Variants in ABCC9 observed in about 807,000 individuals in gnomAD.
ABCC9 encodes the protein ATP binding cassette subfamily C member 9, also known as ATP-binding cassette sub-family C member 9.
ABCC9 carries 95 observed loss-of-function variants against 188.3 expected under a neutral mutation model. That is an observed-to-expected ratio of 0.50 (90% CI 0.43 to 0.60). The LOEUF is 0.60. ABCC9 is among the 20% of genes least tolerant of loss of function. The pLI is 0.00. For missense variants in ABCC9, 1,102 were observed against 1,876.3 expected (o/e 0.59, Z 7.62); for synonymous variants, 659 against 652.7 (o/e 1.01, Z -0.15).
At position 21,910,831 on chromosome 12, in the gene ABCC9, G is replaced by A; in HGVS notation, c.1159C>T (p.Leu387=). The A allele has an allele frequency of 6.2e-7, 1 of 1,611,300 alleles. No individual in the cohort carries two copies. The highest frequency in any genetic ancestry group is 8.5e-7 in the Non-Finnish European group (1 of 1,177,746). The change falls in exon 9 of 40, where the codon CTG becomes TTG. Residue 387 remains leucine (L), a synonymous_variant. Coordinates refer to ENST00000261200, the MANE Select transcript of ABCC9 (RefSeq NM_020297.4). The part of the protein sequence containing the change: ...IETGINLRGA[L]LAMIYNKILR... ...TATTCACAGCCTTTACATACCAGCA[G>A]AGCTCCACGGAGGTTAATGCCAGTC... is the stretch of plus-strand genomic sequence containing the variant.
intron 16 of ABCC9, among the ~76,000 whole-genome samples, chr12:21,875,957 G>T (rs1333930306): frequency 2.6e-5 from 4 of 151,936 alleles, no homozygotes; most frequent in Non-Finnish European, 5.9e-5. Context: ...GGTGGCAGGC[G>T]CCTGTAGTCC....
intron 28 of ABCC9, among the ~76,000 whole-genome samples, chr12:21,842,905 C>A (rs1416189284): frequency 6.6e-6 from 1 of 151,948 alleles, no homozygotes; most frequent in Non-Finnish European, 1.5e-5. Context: ...ATCCTTTGGG[C>A]TTTTTTGAGT....
chr12:21,853,246 A>G (rs950975593), intron 22 of ABCC9, among the ~76,000 whole-genome samples: 2 of 152,028 alleles, frequency 1.3e-5, no homozygotes, highest in African/African-American at 2.4e-5. Flanking sequence ...CCCAGGAGGA[A>G]GAGGTTCCTG....
chr12:21,855,353 G>A (rs779959399), intron 22 of ABCC9, among the ~76,000 whole-genome samples: 6 of 151,998 alleles, frequency 3.9e-5, no homozygotes, highest in Non-Finnish European at 7.4e-5. Context: ...CCAACTTACT[G>A]GGATTACAGG....
chr12:21,848,360 T>G, intron 24 of ABCC9, 114 bp from the exon 25 acceptor site: 12 of 844,032 alleles, frequency 1.4e-5, no homozygotes, highest in African/African-American at 5.0e-5. Flanking sequence ...TCAAGCGCTC[T>G]GTGCTCACTC....
intron 31 of ABCC9, among the ~76,000 whole-genome samples, chr12:21,818,509 T>C (rs1942814464): frequency 7.4e-6 from 1 of 134,602 alleles, no homozygotes; most frequent in South Asian, 2.4e-4. Flanking sequence ...TATATATAAC[T>C]ATATAGATAT....
intron 18 of ABCC9, among the ~76,000 whole-genome samples, chr12:21,871,963 A>G (rs1946106482): frequency 6.6e-6 from 1 of 152,234 alleles, no homozygotes; most frequent in African/African-American, 2.4e-5. Context: ...TTTACTCTTT[A>G]TTAACCAATT....
chr12:21,936,043 C>T (rs112473700), intron 3 of ABCC9, among the ~76,000 whole-genome samples: 1 of 152,270 alleles, frequency 6.6e-6, no homozygotes, highest in African/African-American at 2.4e-5. Flanking sequence ...GTTCCCCAGA[C>T]ATGTCACTCA....
At chr12:21,908,345 G>C (rs1280378636) in intron 10 of ABCC9, 134 bp from the exon 11 acceptor site, 3 of 1,149,860 alleles carry the variant, frequency 2.6e-6, no homozygotes, top group Admixed American at 2.0e-5. Context: ...ACGGTATTAG[G>C]GTTCTCTAGA....
chr12:21,848,215 C>G lies in ABCC9; in HGVS notation c.2801G>C (p.Arg934Thr). ...DMEADQTTLE[R>T]KTLRRAMYSR... is the part of the protein sequence containing the mutation. ...ATACATGGCCCGTCGGAGAGTTTTC[C>G]TCTCTAAAGTAGTTTGGTCAGCTTC... Residue 934 changes from arginine to threonine, a missense_variant, in exon 25 of 40, where the codon AGG (arginine) becomes ACG (threonine). Physicochemically the swap from Arg to Thr is moderately conservative, Grantham distance 71. This residue lies in a region of ABCC9 where 131 missense variants were observed against 170.2 expected (regional missense o/e 0.77). Coordinates refer to ENST00000261200, the MANE Select transcript of ABCC9 (RefSeq NM_020297.4). The G allele has an allele frequency of 6.2e-7, 1 of 1,613,590 alleles. No homozygotes were observed. Among genetic ancestry groups the G allele is most frequent in the Non-Finnish European group, 8.5e-7 (1 of 1,179,618 alleles).
intron 18 of ABCC9, among the ~76,000 whole-genome samples, chr12:21,869,072 T>A (rs1945930522): frequency 6.6e-6 from 1 of 152,254 alleles, no homozygotes; most frequent in African/African-American, 2.4e-5. Flanking sequence ...ATTCAATCTA[T>A]TAGAATATTA....
At chr12:21,828,097 T>C (rs955216282) in intron 31 of ABCC9, among the ~76,000 whole-genome samples, 5 of 152,224 alleles carry the variant, frequency 3.3e-5, no homozygotes, top group African/African-American at 7.2e-5. Flanking sequence ...ATAAACATGC[T>C]TTTTCTTTTC....
At chr12:21,900,599 G>A (rs1454271487) in intron 12 of ABCC9, among the ~76,000 whole-genome samples, 1 of 152,190 alleles carries the variant, frequency 6.6e-6, no homozygotes. Context: ...AATAACCAGT[G>A]TAGAGAAGTC....
intron 36 of ABCC9, among the ~76,000 whole-genome samples, chr12:21,811,389 A>G (rs1450240511): frequency 6.6e-6 from 1 of 152,208 alleles, no homozygotes; most frequent in Non-Finnish European, 1.5e-5. Context: ...CTTTGGAATC[A>G]GGCAAACTTC....
chr12:21,913,687 G>A (rs1033155134), intron 7 of ABCC9, among the ~76,000 whole-genome samples: 2 of 152,092 alleles, frequency 1.3e-5, no homozygotes, highest in Non-Finnish European at 2.9e-5. Context: ...ATGAAGAACA[G>A]CATTTATACT....
At chr12:21,835,719 C>T (rs575307895) in intron 30 of ABCC9, among the ~76,000 whole-genome samples, 1 of 151,924 alleles carries the variant, frequency 6.6e-6, no homozygotes, top group Admixed American at 6.5e-5. Flanking sequence ...TAGTCTACAC[C>T]ATCTCCCTCA....
chr12:21,926,117 A>T lies in ABCC9; in HGVS notation c.285-54T>A, dbSNP rs1949034885. On this transcript the variant is annotated intron_variant, in intron 4 of 39. Coordinates refer to ENST00000261200, the MANE Select transcript of ABCC9 (RefSeq NM_020297.4). ...AGCTGATGGTTCCAGATAATTTCTT[A>T]TTTTTTTTCAAATTTTTTCATAAGA... 6.2e-6 allele frequency: 10 copies of T among 1,611,490 alleles called. No individual in the cohort carries two copies. In the Admixed American group the frequency reaches 8.4e-5, roughly 13 times the overall value.
At chr12:21,922,886 A>C (rs868788958) in intron 5 of ABCC9, 5 of 151,492 alleles carry the variant, frequency 3.3e-5, no homozygotes, top group Admixed American at 1.3e-4. Flanking sequence ...TTATGACTTC[A>C]AGAACTCCAA....
intron 33 of ABCC9, 89 bp from the exon 34 acceptor site, chr12:21,815,982 C>A: frequency 3.8e-5 from 26 of 683,202 alleles, no homozygotes; most frequent in Non-Finnish European, 4.5e-5. Context: ...TACATTTATA[C>A]ATATATATAT....
Sources: allele counts gnomAD v4.1 joint callset (sites outside exome capture counted in the v4.1 genomes callset), GRCh38; gene constraint gnomAD v4.1.1; regional missense constraint gnomAD v4.1.1; transcripts MANE v1.5; gene names NCBI Gene and HGNC (gene_info 2026-07-23, HGNC 2026-07-21).